RAB19: variants seen among roughly 807,000 people sequenced by gnomAD.
The protein encoded by RAB19 is RAB19, member RAS oncogene family, also known as ras-related protein Rab-19.
A neutral mutation model predicts 17.3 loss-of-function variants in RAB19; 21 were observed. The observed-to-expected ratio is 1.21, with a 90% CI of 0.86 to 1.74. RAB19 has a LOEUF of 1.74. RAB19 is among the 40% of genes most tolerant of loss of function. RAB19 has a pLI of 0.00. For synonymous variants in RAB19, 126 were observed against 110.4 expected (o/e 1.14, Z -0.88); for missense variants, 277 against 286.8 (o/e 0.97, Z 0.25).
intron 1 of RAB19, 108 bp from the exon 2 acceptor site, chr7:140,407,516 C>A: frequency 1.4e-6 from 1 of 724,982 alleles, no homozygotes; most frequent in Non-Finnish European, 2.4e-6. Context: ...GCATCATTAG[C>A]ATCGTCCTCT....
chr7:140,422,777 G>C (rs555130036), intron 3 of RAB19, among the ~76,000 whole-genome samples: 25 of 152,190 alleles, frequency 1.6e-4, no homozygotes, highest in Admixed American at 8.5e-4. Context: ...CTGCACTCCA[G>C]CCCAGGTGGC....
In RAB19 at chr7:140,426,381, C is replaced by T. The variant is rs1799672740; in HGVS notation, c.*231C>T. 3.7e-5 allele frequency: 19 copies of T among 519,920 alleles called. No individual in the cohort carries two copies. In the East Asian group the frequency reaches 5.8e-4, roughly 16 times the overall value. The allele number at this position is 519,920 out of a possible 1,614,324, so 32.2% of individuals were successfully genotyped here. On this transcript the variant is annotated 3_prime_UTR_variant, in exon 4 of 4. Transcript: ENST00000537763. ...CATTGTTTTCACTGACTCTTGACTC[C>T]TGGAGAAGGCAGGACTTCAGGCTAG...
chr7:140,410,632 T>C (rs1799342324), intron 2 of RAB19, among the ~76,000 whole-genome samples: 1 of 152,018 alleles, frequency 6.6e-6, no homozygotes, highest in Admixed American at 6.6e-5. Context: ...GGCCTTTTTG[T>C]ATTTTTCGTA....
intron 2 of RAB19, among the ~76,000 whole-genome samples, chr7:140,408,710 AAGT>A (rs1162987462): frequency 6.6e-6 from 1 of 151,968 alleles, no homozygotes. Flanking sequence ...TCCTGACCTC[AAGT>A]GATCCGCCCA....
intron 1 of RAB19, among the ~76,000 whole-genome samples, chr7:140,405,095 A>G (rs1032914228): frequency 6.6e-6 from 1 of 151,788 alleles, no homozygotes; most frequent in African/African-American, 2.4e-5. Context: ...CAGGTAGGTG[A>G]CTTGGTCGAT....
chr7:140,408,180 T>C (rs1178551781), intron 2 of RAB19, among the ~76,000 whole-genome samples: 2 of 151,760 alleles, frequency 1.3e-5, no homozygotes, highest in African/African-American at 2.4e-5. Context: ...CCACCGCGCC[T>C]GGCCAGTTCC....
intron 2 of RAB19, among the ~76,000 whole-genome samples, chr7:140,410,276 G>A (rs557064801): frequency 1.3e-5 from 2 of 149,048 alleles, no homozygotes; most frequent in Admixed American, 1.3e-4. Flanking sequence ...GGGACTACAG[G>A]CATGCGCCAC....
intron 1 of RAB19, among the ~76,000 whole-genome samples, chr7:140,406,888 G>C (rs1318086700): frequency 6.7e-6 from 1 of 149,348 alleles, no homozygotes; most frequent in Non-Finnish European, 1.5e-5. Context: ...TTTGTTTTTT[G>C]GGTGTTTTTT....
At chr7:140,411,068 G>C (rs753631736) in intron 2 of RAB19, 1 of 1,367,756 alleles carries the variant, frequency 7.3e-7, no homozygotes, top group South Asian at 1.1e-5. Flanking sequence ...GATGAGTCAG[G>C]AGAAAAGGCA....
At chr7:140,425,814 T>A (rs1401138298) in intron 3 of RAB19, 68 bp from the exon 4 acceptor site, 6 of 1,504,442 alleles carry the variant, frequency 4.0e-6, no homozygotes, top group Non-Finnish European at 4.5e-6. Context: ...ATGTTACTTG[T>A]AAAGTTCATT....
At position 140,411,904 on chromosome 7, in the gene RAB19, C is replaced by T. The variant is rs1340028480; in HGVS notation, c.232C>T (p.Arg78Cys). ...MQVWDTAGQE[R>C]FRTITQSYYR... is the part of the protein sequence containing the mutation. ...GGTGTGGGACACAGCTGGCCAGGAG[C>T]GCTTCCGCACCATCACCCAAAGCTA... The change falls in exon 3 of 4, where the codon CGC (arginine) becomes TGC (cysteine). Residue 78 changes from arginine (R) to cysteine (C), a missense_variant. Physicochemically the swap from Arg to Cys is radical, Grantham distance 180. Transcript: ENST00000537763. The T allele has an allele frequency of 2.1e-5, 34 of 1,614,150 alleles. No homozygotes were observed. The highest frequency in any genetic ancestry group is 1.5e-4 in the African/African-American group (11 of 75,044).
At chr7:140,416,851 A>G (rs571091172) in intron 3 of RAB19, among the ~76,000 whole-genome samples, 1 of 152,150 alleles carries the variant, frequency 6.6e-6, no homozygotes, top group Admixed American at 6.6e-5. Context: ...GCACTTTGGG[A>G]AGTTGAGGTG....
intron 3 of RAB19, among the ~76,000 whole-genome samples, chr7:140,417,758 G>A (rs544626975): frequency 3.1e-4 from 47 of 152,306 alleles, no homozygotes; most frequent in African/African-American, 1.0e-3. Flanking sequence ...CCCTCTGGAC[G>A]CTGTAGGGGA....
At chr7:140,425,740 CA>C in intron 3 of RAB19, 141 bp from the exon 4 acceptor site, 5 of 844,074 alleles carry the variant, frequency 5.9e-6, no homozygotes, top group Non-Finnish European at 9.1e-6. Flanking sequence ...AAAAAAGAAA[CA>C]AAAAAATGTG....
Position 140,412,053 on chromosome 7 carries a change from G to T in RAB19, c.381G>T (p.Leu127=), listed in dbSNP as rs1819389785. 3 of 1,610,160 alleles carry T rather than the reference G, an allele frequency of 1.9e-6. No individual in the cohort carries two copies. The South Asian group carries it at 3.3e-5, about 18-fold the overall frequency. The part of the protein sequence containing the change: ...KYGAANVVIM[L]IGNKCDLWEK... ...GAGCTGCAAATGTGGTCATTATGCT[G>T]ATTGGTATGGCATTTTTGAAGTTTT... Residue 127 remains leucine, a synonymous_variant, in exon 3 of 4, where the codon CTG becomes CTT. Transcript: ENST00000537763.
In RAB19 at chr7:140,425,960, T is replaced by C. The variant is rs772942378; in HGVS notation, c.464T>C (p.Leu155Pro). ...ACACTGGCTGAGAAGTACGGCCTCC[T>C]GGCCGTTTTGGAGACATCTGCCAAG... is the stretch of plus-strand genomic sequence containing the variant. ...ACTLAEKYGL[L>P]AVLETSAKES... Residue 155 changes from leucine to proline, a missense_variant, in exon 4 of 4, where the codon CTG becomes CCG. By Grantham distance (98) the Leu-to-Pro change is moderately conservative. Transcript: ENST00000537763. The C allele has an allele frequency of 6.2e-7, 1 of 1,614,002 alleles. No individual in the cohort carries two copies. Among genetic ancestry groups the C allele is most frequent in the African/African-American group, 1.3e-5 (1 of 74,946 alleles).
intron 3 of RAB19, among the ~76,000 whole-genome samples, chr7:140,419,224 C>T (rs968375770): frequency 3.3e-5 from 5 of 151,954 alleles, no homozygotes; most frequent in Non-Finnish European, 5.9e-5. Flanking sequence ...CATGTGCCAC[C>T]ACGCCCAGCT....
Position 140,415,783 on chromosome 7 carries a change from G to T in RAB19, c.385+3726G>T, listed in dbSNP as rs926164055. Among the ~76,000 whole-genome samples the T allele has an allele frequency of 1.0e-3, 147 of 145,868 alleles. 1 individual carries two copies. Among genetic ancestry groups the T allele is most frequent in the African/African-American group, 3.5e-3 (141 of 40,316 alleles). On this transcript the variant is annotated intron_variant, in intron 3 of 3. Coordinates refer to ENST00000537763, the MANE Select transcript of RAB19 (RefSeq NM_001008749.3). ...AGCCAGATGTGGTGGTGCACGCCTG[G>T]AGTCCCAGCTACTCAGGAGGCTGAG...
At chr7:140,408,021 G>A (rs1799281104) in intron 2 of RAB19, among the ~76,000 whole-genome samples, 174 bp downstream of exon 2, 1 of 149,050 alleles carries the variant, frequency 6.7e-6, no homozygotes, top group Non-Finnish European at 1.5e-5. Context: ...GGAACTACAG[G>A]CGCCCGCCAC....
Sources: gnomAD v4.1 joint callset for allele counts (sites outside exome capture counted in the v4.1 genomes callset) on GRCh38, gnomAD v4.1.1 for gene constraint, MANE v1.5 for transcripts, NCBI Gene and HGNC (gene_info 2026-07-23, HGNC 2026-07-21) for gene names.